The following RASSF6 variants were observed in gnomAD, a reference collection of about 807,000 sequenced individuals.
RASSF6 encodes the protein Ras association domain family member 6.
In RASSF6, 52 loss-of-function variants were observed where a neutral mutation model predicts 44.0. That is an observed-to-expected ratio of 1.18 (90% CI 0.95 to 1.49). The LOEUF is 1.49. RASSF6 is among the 40% of genes most tolerant of loss of function. The pLI is 0.00. For synonymous variants in RASSF6, 162 were observed against 124.6 expected (o/e 1.30, Z -2.00); for missense variants, 464 against 393.3 (o/e 1.18, Z -1.52).
intron 2 of RASSF6, among the ~76,000 whole-genome samples, chr4:73,600,380 T>C (rs1560454615): frequency 6.6e-6 from 1 of 151,306 alleles, no homozygotes; most frequent in Non-Finnish European, 1.5e-5. Flanking sequence ...ATATAAGCGG[T>C]TTTATAAAAA....
rs1159169276 is a variant in RASSF6 at position 73,593,439 on chromosome 4, A to C, written c.287+12T>G. 1.3e-6 allele frequency: 2 copies of C among 1,592,138 alleles called. No homozygotes were observed. Among genetic ancestry groups the C allele is most frequent in the Admixed American group, 3.7e-5 (2 of 54,140 alleles). Reference sequence around the variant, plus strand: ...ATCTTCTGAGGAATTAAAAACATGAAAGATAGCTTACCCTTTGCTGGAGAA... The same window carrying C: ...ATCTTCTGAGGAATTAAAAACATGACAGATAGCTTACCCTTTGCTGGAGAA... On this transcript the variant is annotated intron_variant, in intron 4 of 10. Transcript: ENST00000307439.
At chr4:73,618,868 T>C (rs1245508319) in intron 1 of RASSF6, among the ~76,000 whole-genome samples, 9 of 152,180 alleles carry the variant, frequency 5.9e-5, no homozygotes, top group Admixed American at 3.9e-4. Context: ...TCATAGACAC[T>C]AAGTTGGTCC....
chr4:73,610,554 C>T (rs1725935374), intron 2 of RASSF6, among the ~76,000 whole-genome samples: 1 of 152,194 alleles, frequency 6.6e-6, no homozygotes, highest in Non-Finnish European at 1.5e-5. Flanking sequence ...CATTTCCCCA[C>T]ACTGTTCTCC....
chr4:73,581,638 G>T (rs1418751300), intron 8 of RASSF6, among the ~76,000 whole-genome samples, 179 bp downstream of exon 8: 1 of 152,092 alleles, frequency 6.6e-6, no homozygotes, highest in East Asian at 1.9e-4. Context: ...TTATTCTTAA[G>T]TTATCTTTCT....
intron 1 of RASSF6, 27 bp from the exon 2 acceptor site, chr4:73,611,856 T>A: frequency 1.4e-6 from 2 of 1,437,664 alleles, no homozygotes; most frequent in Non-Finnish European, 2.0e-6. Context: ...TATTAATGAT[T>A]TGTTCCTATA....
At chr4:73,587,117 GA>G (rs750739346) in intron 5 of RASSF6, among the ~76,000 whole-genome samples, 2 of 152,056 alleles carry the variant, frequency 1.3e-5, no homozygotes, top group Non-Finnish European at 2.9e-5. Flanking sequence ...AGAATTACAT[GA>G]AAAAATTCAT....
intron 4 of RASSF6, among the ~76,000 whole-genome samples, chr4:73,589,408 C>G (rs2149376058): frequency 6.6e-6 from 1 of 151,758 alleles, no homozygotes; most frequent in South Asian, 2.1e-4. Flanking sequence ...AAAGTCAATA[C>G]CAATGAAAAA....
intron 8 of RASSF6, among the ~76,000 whole-genome samples, chr4:73,577,936 A>G (rs900807785): frequency 6.6e-6 from 1 of 152,172 alleles, no homozygotes; most frequent in African/African-American, 2.4e-5. Flanking sequence ...ACAGTGTGAG[A>G]TACACTGTAA....
chr4:73,620,406 C>A lies in RASSF6; in HGVS notation c.-153G>T, dbSNP rs962429688. The A allele has an allele frequency of 2.5e-5, 38 of 1,538,264 alleles. No individual in the cohort carries two copies. Among genetic ancestry groups the A allele is most frequent in the Non-Finnish European group, 3.0e-5 (34 of 1,141,822 alleles). Reference sequence around the variant, plus strand: ...TGGTAGAGGGAAACCAGTGCCCTGTCTCTGCCGGGCTGGGACTCCGCGAGT... The same window carrying A: ...TGGTAGAGGGAAACCAGTGCCCTGTATCTGCCGGGCTGGGACTCCGCGAGT... On this transcript the variant is annotated 5_prime_UTR_variant, in exon 1 of 11. Coordinates refer to ENST00000307439, the MANE Select transcript of RASSF6 (RefSeq NM_177532.5).
Position 73,582,205 on chromosome 4 carries a change from A to T in RASSF6, c.653T>A (p.Leu218His). ...NMRTEEVIKQ[L>H]LQKFKIENSP... is the part of the protein sequence containing the mutation. ...AAAGGTTACCTTAAATTTTTGGAGAAGTTGCTTTATTACTTCTTCAGTTCT... is the reference window on the plus strand; with the variant it reads ...AAAGGTTACCTTAAATTTTTGGAGATGTTGCTTTATTACTTCTTCAGTTCT... The change falls in exon 7 of 11, where the codon CTT becomes CAT. Residue 218 changes from leucine (L) to histidine (H), a missense_variant. Physicochemically the swap from Leu to His is moderately conservative, Grantham distance 99. Transcript: ENST00000307439. 6.4e-7 allele frequency: 1 copy of T among 1,557,676 alleles called. No homozygotes were observed. Among genetic ancestry groups the T allele is most frequent in the Non-Finnish European group, 8.8e-7 (1 of 1,137,892 alleles).
chr4:73,604,884 C>CTTT (rs35609056), intron 2 of RASSF6, among the ~76,000 whole-genome samples: 81 of 138,306 alleles, frequency 5.9e-4, no homozygotes, highest in African/African-American at 1.3e-3. Flanking sequence ...CATTTTCTTT[C>CTTT]TTTTTTTTTT....
Position 73,573,957 on chromosome 4 carries a change from TG to T in RASSF6, c.*2277del, listed in dbSNP as rs1389118059. The T allele has an allele frequency of 6.6e-6, 1 of 152,304 alleles. No homozygotes were observed. Among genetic ancestry groups the T allele is most frequent in the Non-Finnish European group, 1.5e-5 (1 of 68,086 alleles). The allele number at this position is 152,304 out of a possible 1,614,324, so 9.4% of individuals were successfully genotyped here. A position where few individuals can be genotyped will look rare whatever the true frequency, so the allele number is the denominator to read the frequency against. On this transcript the variant is annotated 3_prime_UTR_variant, in exon 11 of 11. Transcript: ENST00000307439. ...CCTCCAGGCTGACAGGCCAGGCTAC[TG>T]GAGAGCAGGCTTTTTTCCTTCACTA...
chr4:73,598,576 GTGTGTGTGTGCACGCA>G (rs1725083284), intron 3 of RASSF6, 48 bp downstream of exon 3: 2 of 769,954 alleles, frequency 2.6e-6, no homozygotes, highest in Admixed American at 2.9e-5. Flanking sequence ...AATTGTGTGT[GTGTGTGTGTGCACGCA>G]TGTGTGTGTG....
Position 73,576,129 on chromosome 4 carries a change from A to G in RASSF6, c.*106T>C. The G allele has an allele frequency of 1.7e-6, 1 of 598,064 alleles. No individual in the cohort carries two copies. The highest frequency in any genetic ancestry group is 2.9e-5 in the East Asian group (1 of 34,962). The allele number at this position is 598,064 out of a possible 1,614,324, so 37.0% of individuals were successfully genotyped here. A position where few individuals can be genotyped will look rare whatever the true frequency, so the allele number is the denominator to read the frequency against. On this transcript the variant is annotated 3_prime_UTR_variant, in exon 11 of 11. Coordinates refer to ENST00000307439, the MANE Select transcript of RASSF6 (RefSeq NM_177532.5). ...TTTGACATTCAATTTTCTACGATTCAAGTCTCATATATGTTCGTATAAATG... is the reference window on the plus strand; with the variant it reads ...TTTGACATTCAATTTTCTACGATTCGAGTCTCATATATGTTCGTATAAATG...
rs114066749 is a variant in RASSF6 at position 73,600,941 on chromosome 4, C to T, written c.66-2223G>A. ...TAGCACTCATTGTTTAGTGCCAGAA[C>T]ACTATTAAGAAATTTCACCATAAAG... On this transcript the variant is annotated intron_variant, in intron 2 of 10. Coordinates refer to ENST00000307439, the MANE Select transcript of RASSF6 (RefSeq NM_177532.5). 2.7e-3 allele frequency among the ~76,000 whole-genome samples: 407 copies of T among 152,246 alleles called. 1 individual carries two copies. Among genetic ancestry groups the T allele is most frequent in the African/African-American group, 9.6e-3 (398 of 41,536 alleles).
chr4:73,608,487 G>C (rs971468725), intron 2 of RASSF6, among the ~76,000 whole-genome samples: 3 of 152,148 alleles, frequency 2.0e-5, no homozygotes, highest in Non-Finnish European at 4.4e-5. Flanking sequence ...CAAAATAACA[G>C]ATGTGATACC....
chr4:73,595,180 A>T (rs557873932), intron 3 of RASSF6, among the ~76,000 whole-genome samples: 3 of 152,284 alleles, frequency 2.0e-5, no homozygotes, highest in Admixed American at 6.5e-5. Flanking sequence ...AAACTATTTT[A>T]AAAAATTAAA....
chr4:73,594,906 C>A (rs1037131009), intron 3 of RASSF6, among the ~76,000 whole-genome samples: 1 of 152,140 alleles, frequency 6.6e-6, no homozygotes, highest in Non-Finnish European at 1.5e-5. Flanking sequence ...TTGTTAAATT[C>A]TTCATTGCTA....
At chr4:73,607,248 C>T (rs551608494) in intron 2 of RASSF6, among the ~76,000 whole-genome samples, 6 of 152,186 alleles carry the variant, frequency 3.9e-5, no homozygotes, top group Admixed American at 6.5e-5. Context: ...ACCCCCACAC[C>T]GTTATGGCAG....
Sources: allele counts gnomAD v4.1 joint callset (sites outside exome capture counted in the v4.1 genomes callset), GRCh38; gene constraint gnomAD v4.1.1; transcripts MANE v1.5; gene names NCBI Gene and HGNC (gene_info 2026-07-23, HGNC 2026-07-21).